Variants in MEF2A observed in about 807,000 individuals in gnomAD.
MEF2A encodes the protein myocyte-specific enhancer factor 2A.
In MEF2A, 28 loss-of-function variants were observed where a neutral mutation model predicts 55.8. The ratio of observed to expected loss-of-function variants is 0.50; its 90% confidence interval spans 0.37 to 0.69. The LOEUF is 0.69. Among genes scored for constraint, MEF2A ranks in the 30% least tolerant of loss-of-function variants. The pLI is 0.00. For missense variants in MEF2A, 528 were observed against 626.2 expected, an observed-to-expected ratio of 0.84 and a Z score of 1.67; for synonymous variants, 239 against 227.1, an observed-to-expected ratio of 1.05 and a Z score of -0.47.
intron 1 of MEF2A, among the ~76,000 whole-genome samples, chr15:99,577,104 A>G (rs1180054020): frequency 6.6e-6 from 1 of 152,246 alleles, no homozygotes; most frequent in East Asian, 1.9e-4. Context: ...CTTTAATTAT[A>G]CAATGATATG....
chr15:99,645,761 T>C lies in MEF2A; in HGVS notation c.255T>C (p.Val85=). The C allele has an allele frequency of 1.3e-6, 2 of 1,595,930 alleles. No individual in the cohort carries two copies. Among genetic ancestry groups the C allele is most frequent in the Middle Eastern group, 1.7e-4 (1 of 5,978 alleles). Residue 85 remains valine, a synonymous_variant, in exon 4 of 12, where the codon GTT becomes GTC. Transcript: ENST00000557942. ...PHESRTNSDI[V]ETLRKKGLNG... ...AAAGCAGAACCAACTCGGATATTGT[T>C]GAGGTAACACATATCTAGTAATACG...
At chr15:99,645,852 T>G (rs1017373940) in intron 4 of MEF2A, 88 bp downstream of exon 4, 1 of 936,300 alleles carries the variant, frequency 1.1e-6, no homozygotes, top group Non-Finnish European at 1.6e-6. Flanking sequence ...CTTGTACATC[T>G]AAAACATAAA....
At chr15:99,684,492 T>C (rs1377458422) in intron 7 of MEF2A, among the ~76,000 whole-genome samples, 1 of 152,256 alleles carries the variant, frequency 6.6e-6, no homozygotes, top group Non-Finnish European at 1.5e-5. Flanking sequence ...CGTATGTCTT[T>C]TGGCAATTTG....
chr15:99,590,947 T>G (rs1035246034), intron 1 of MEF2A, among the ~76,000 whole-genome samples: 1 of 152,228 alleles, frequency 6.6e-6, no homozygotes, highest in African/African-American at 2.4e-5. Flanking sequence ...ATCTGCTCTT[T>G]TAAAAAATTT....
At chr15:99,683,590 A>T (rs553162361) in intron 7 of MEF2A, among the ~76,000 whole-genome samples, 68 of 150,590 alleles carry the variant, frequency 4.5e-4, no homozygotes, top group African/African-American at 1.6e-3. Context: ...ATTTTTTTTT[A>T]GTGGGGTTTC....
chr15:99,660,675 G>T (rs921753787), intron 4 of MEF2A, among the ~76,000 whole-genome samples: 1 of 152,094 alleles, frequency 6.6e-6, no homozygotes, highest in African/African-American at 2.4e-5. Context: ...GAGATTTATG[G>T]ATTTATTAAA....
At chr15:99,617,664 G>T (rs2040436527) in intron 2 of MEF2A, among the ~76,000 whole-genome samples, 1 of 152,060 alleles carries the variant, frequency 6.6e-6, no homozygotes, top group African/African-American at 2.4e-5. Context: ...TCCAGGGTTG[G>T]TTAACTCCAG....
At chr15:99,693,449 G>A (rs778365190) in intron 8 of MEF2A, among the ~76,000 whole-genome samples, 9 of 151,840 alleles carry the variant, frequency 5.9e-5, no homozygotes, top group South Asian at 2.1e-4. Context: ...ATGTATGCAC[G>A]CACACACACT....
chr15:99,678,497 GT>G (rs1160617444), intron 7 of MEF2A, among the ~76,000 whole-genome samples: 1 of 152,182 alleles, frequency 6.6e-6, no homozygotes, highest in Non-Finnish European at 1.5e-5. Flanking sequence ...GTTCCAGATA[GT>G]TTTGCGTTAC....
chr15:99,602,655 T>TGTGG (rs1973554370), intron 2 of MEF2A, among the ~76,000 whole-genome samples: 2 of 73,472 alleles, frequency 2.7e-5, no homozygotes, highest in Admixed American at 3.0e-4. Context: ...ATTCCTGGGG[T>TGTGG]GTGTGTGTGT....
At chr15:99,580,243 C>T (rs960054176) in intron 1 of MEF2A, among the ~76,000 whole-genome samples, 3 of 152,074 alleles carry the variant, frequency 2.0e-5, no homozygotes, top group African/African-American at 7.2e-5. Flanking sequence ...GGTGACTTCC[C>T]CCGCCCCCCT....
Position 99,709,928 on chromosome 15 carries a change from G to C in MEF2A, c.1010-706G>C, listed in dbSNP as rs140476094. Among the ~76,000 whole-genome samples, 492 of 152,282 alleles carry C rather than the reference G, an allele frequency of 3.2e-3. 4 individuals carry two copies. Among genetic ancestry groups the C allele is most frequent in the African/African-American group, 0.011 (461 of 41,552 alleles). ...TTGTGTAATGATGTCACTGAGCTTG[G>C]CACCCCATGTAGGGATTCTGTCTTT... On this transcript the variant is annotated intron_variant, in intron 10 of 11. Transcript: ENST00000557942.
At chr15:99,569,309 C>T (rs113066456) in intron 1 of MEF2A, among the ~76,000 whole-genome samples, 7 of 152,346 alleles carry the variant, frequency 4.6e-5, no homozygotes, top group African/African-American at 1.7e-4. Flanking sequence ...CCCTGCATCC[C>T]TTCTGGCTTT....
chr15:99,685,131 C>T (rs1328834832), intron 7 of MEF2A, among the ~76,000 whole-genome samples: 1 of 152,124 alleles, frequency 6.6e-6, no homozygotes, highest in African/African-American at 2.4e-5. Flanking sequence ...TAATGTGATG[C>T]CTCCAGATTT....
At chr15:99,596,505 C>G (rs1013806866) in intron 1 of MEF2A, among the ~76,000 whole-genome samples, 2 of 151,996 alleles carry the variant, frequency 1.3e-5, no homozygotes, top group Non-Finnish European at 2.9e-5. Flanking sequence ...TTTTCCCGCC[C>G]CCAGAGGAGG....
chr15:99,586,269 T>C (rs569325187), intron 1 of MEF2A, among the ~76,000 whole-genome samples: 4 of 152,340 alleles, frequency 2.6e-5, no homozygotes, highest in African/African-American at 9.6e-5. Context: ...TTTTCCAAAG[T>C]AGTTGTATGA....
At chr15:99,589,458 C>A (rs905195451) in intron 1 of MEF2A, among the ~76,000 whole-genome samples, 1 of 151,994 alleles carries the variant, frequency 6.6e-6, no homozygotes. Flanking sequence ...TTTCAAATAA[C>A]CAACTTTAAT....
At chr15:99,612,290 G>A (rs747706869) in intron 2 of MEF2A, among the ~76,000 whole-genome samples, 17 of 151,852 alleles carry the variant, frequency 1.1e-4, no homozygotes, top group Admixed American at 9.2e-4. Flanking sequence ...GGTGGTGGGC[G>A]TCTGTAGACC....
intron 4 of MEF2A, among the ~76,000 whole-genome samples, chr15:99,666,578 TATA>T (rs55855939): frequency 0.027 from 3,858 of 141,220 alleles, 79 homozygotes; most frequent in African/African-American, 0.065. Flanking sequence ...GAACTTAAAG[TATA>T]ATAATAATAA....
Sources: allele counts gnomAD v4.1 joint callset (sites outside exome capture counted in the v4.1 genomes callset), GRCh38; gene constraint gnomAD v4.1.1; transcripts MANE v1.5; gene names NCBI Gene and HGNC (gene_info 2026-07-23, HGNC 2026-07-21).